The following DLG2 variants were observed in gnomAD, a reference collection of about 807,000 sequenced individuals.
The protein encoded by DLG2 is disks large homolog 2.
A neutral mutation model predicts 132.5 loss-of-function variants in DLG2; 45 were observed. The ratio of observed to expected loss-of-function variants is 0.34; its 90% CI spans 0.27 to 0.44. The LOEUF is 0.44. Among genes scored for constraint, DLG2 ranks in the 20% least tolerant of loss-of-function variants. The pLI is 1.00. For synonymous variants in DLG2, 424 were observed against 419.6 expected, an observed-to-expected ratio of 1.01 and a Z score of -0.13; for missense variants, 1,045 against 1,196.9, an observed-to-expected ratio of 0.87 and a Z score of 1.87.
chr11:84,693,524 C>A (rs1175270477), intron 6 of DLG2, among the ~76,000 whole-genome samples: 1 of 151,668 alleles, frequency 6.6e-6, no homozygotes, highest in Non-Finnish European at 1.5e-5. Flanking sequence ...GCCACCGGTG[C>A]CTCTCCATAA....
intron 6 of DLG2, among the ~76,000 whole-genome samples, chr11:84,824,557 C>G (rs2078096144): frequency 6.6e-6 from 1 of 151,822 alleles, no homozygotes; most frequent in Non-Finnish European, 1.5e-5. Context: ...AAGAAAGCTA[C>G]CAACTGATAA....
At chr11:85,373,682 C>T (rs1050066320) in intron 3 of DLG2, among the ~76,000 whole-genome samples, 2 of 152,132 alleles carry the variant, frequency 1.3e-5, no homozygotes, top group African/African-American at 4.8e-5. Context: ...AGCAAAGGGA[C>T]TTTGGCCTTG....
intron 6 of DLG2, among the ~76,000 whole-genome samples, chr11:84,784,799 G>T (rs1336283690): frequency 6.6e-6 from 1 of 152,058 alleles, no homozygotes; most frequent in Non-Finnish European, 1.5e-5. Context: ...AGAGACTGGG[G>T]TGATGTGGTG....
chr11:83,914,264 T>C (rs2076555825), intron 15 of DLG2, among the ~76,000 whole-genome samples: 1 of 152,102 alleles, frequency 6.6e-6, no homozygotes, highest in Non-Finnish European at 1.5e-5. Flanking sequence ...ATCTGGCATC[T>C]CCCTTCTCTC....
intron 11 of DLG2, among the ~76,000 whole-genome samples, chr11:84,008,500 A>G (rs934399531): frequency 6.6e-6 from 1 of 151,914 alleles, no homozygotes; most frequent in African/African-American, 2.4e-5. Context: ...GACAGATGGA[A>G]ATTTGGTTTA....
At chr11:84,159,362 T>C (rs569090012) in intron 9 of DLG2, among the ~76,000 whole-genome samples, 13 of 152,308 alleles carry the variant, frequency 8.5e-5, no homozygotes, top group Non-Finnish European at 1.5e-4. Flanking sequence ...ACTAATTTAA[T>C]TACAGTGAAC....
At chr11:84,650,410 G>C (rs972912916) in intron 6 of DLG2, among the ~76,000 whole-genome samples, 1 of 152,144 alleles carries the variant, frequency 6.6e-6, no homozygotes, top group African/African-American at 2.4e-5. Context: ...TTACTGACTT[G>C]AGACTATTAT....
At chr11:84,425,729 G>T (rs2098964299) in intron 7 of DLG2, among the ~76,000 whole-genome samples, 1 of 152,074 alleles carries the variant, frequency 6.6e-6, no homozygotes, top group East Asian at 1.9e-4. Flanking sequence ...CAATGAAAAG[G>T]ATTACTTATG....
intron 6 of DLG2, among the ~76,000 whole-genome samples, chr11:84,718,842 A>T (rs2061496134): frequency 6.6e-6 from 1 of 152,218 alleles, no homozygotes; most frequent in African/African-American, 2.4e-5. Flanking sequence ...ATGAACACAC[A>T]AACCTTCAAC....
chr11:84,138,652 G>T (rs943023605), intron 9 of DLG2, among the ~76,000 whole-genome samples: 1 of 152,074 alleles, frequency 6.6e-6, no homozygotes, highest in African/African-American at 2.4e-5. Context: ...CTACAACTAG[G>T]AAACATTCAC....
In DLG2 at chr11:84,433,925, TG is replaced by T. The variant is rs556018344; in HGVS notation, c.519+100644del. ...TGAGCTCAGGAGTTCGAGACCACTT[TG>T]GGGAACATGGGGAAACCTCATCTCT... On this transcript the variant is annotated intron_variant, in intron 7 of 27. Coordinates refer to ENST00000376104, the MANE Select transcript of DLG2 (RefSeq NM_001142699.3). Among the ~76,000 whole-genome samples the T allele has an allele frequency of 2.1e-3, 324 of 152,092 alleles. 2 individuals carry two copies. Among genetic ancestry groups the T allele is most frequent in the African/African-American group, 7.2e-3 (299 of 41,484 alleles).
chr11:84,224,502 A>G (rs2096962142), intron 8 of DLG2, among the ~76,000 whole-genome samples: 1 of 152,216 alleles, frequency 6.6e-6, no homozygotes, highest in Non-Finnish European at 1.5e-5. Context: ...GCTGGGGAAA[A>G]TCATGATAAT....
At chr11:83,672,338 C>T (rs1318236613) in intron 18 of DLG2, among the ~76,000 whole-genome samples, 10 of 152,060 alleles carry the variant, frequency 6.6e-5, no homozygotes, top group Admixed American at 3.9e-4. Context: ...GCACCACGCC[C>T]GGCTAATTTT....
At chr11:84,354,137 C>A (rs542685213) in intron 7 of DLG2, among the ~76,000 whole-genome samples, 3 of 152,264 alleles carry the variant, frequency 2.0e-5, no homozygotes, top group Non-Finnish European at 4.4e-5. Context: ...TTCCACAATA[C>A]AGTATTTTTA....
chr11:84,910,596 C>T (rs1351730167), intron 6 of DLG2, among the ~76,000 whole-genome samples: 1 of 152,088 alleles, frequency 6.6e-6, no homozygotes, highest in African/African-American at 2.4e-5. Context: ...TTAATGTTTA[C>T]TTTTAACAAA....
intron 6 of DLG2, among the ~76,000 whole-genome samples, chr11:84,539,842 G>C (rs1214552677): frequency 3.3e-5 from 5 of 151,920 alleles, no homozygotes; most frequent in African/African-American, 9.6e-5. Flanking sequence ...CAGCATGGTA[G>C]GTATAGACCA....
intron 7 of DLG2, among the ~76,000 whole-genome samples, chr11:84,370,925 G>A (rs1039221635): frequency 8.5e-5 from 13 of 152,244 alleles, no homozygotes; most frequent in African/African-American, 3.1e-4. Context: ...AGGGCATCTA[G>A]GGGTCTATTT....
chr11:85,244,548 T>C (rs984178870), intron 4 of DLG2, among the ~76,000 whole-genome samples: 6 of 151,978 alleles, frequency 3.9e-5, no homozygotes, highest in African/African-American at 1.4e-4. Context: ...AATGAATTTG[T>C]GACAAGGACC....
intron 13 of DLG2, among the ~76,000 whole-genome samples, chr11:83,964,432 T>A (rs1475386307): frequency 6.6e-6 from 1 of 151,998 alleles, no homozygotes; most frequent in Non-Finnish European, 1.5e-5. Flanking sequence ...CACATTTCTC[T>A]CAAGAGAAAC....
Sources: allele counts gnomAD v4.1 joint callset (sites outside exome capture counted in the v4.1 genomes callset), GRCh38; gene constraint gnomAD v4.1.1; transcripts MANE v1.5; gene names NCBI Gene and HGNC (gene_info 2026-07-23, HGNC 2026-07-21).